The following SHANK2 variants were observed in gnomAD, a reference collection of about 807,000 sequenced individuals.
SHANK2 encodes SH3 and multiple ankyrin repeat domains protein 2.
In SHANK2, 43 loss-of-function variants were observed where a neutral mutation model predicts 133.7. The observed-to-expected ratio is 0.32, with a 90% CI of 0.25 to 0.41. The LOEUF (loss-of-function observed/expected upper bound fraction) is 0.41, where lower values mean the gene tolerates loss of function less well. SHANK2 is among the 10% of genes least tolerant of loss of function. The pLI, the probability that SHANK2 is intolerant of heterozygous loss-of-function variation, is 1.00. For synonymous variants in SHANK2, 1,017 were observed against 952.8 expected (o/e 1.07, Z -1.24); for missense variants, 1,994 against 2,235.8 (o/e 0.89, Z 2.18).
chr11:71,135,492 T>TG (rs1235777852), intron 3 of SHANK2, among the ~76,000 whole-genome samples: 1 of 150,426 alleles, frequency 6.6e-6, no homozygotes, highest in African/African-American at 2.4e-5. Context: ...GTTTTTTTTT[T>TG]TTTTTTTTTT....
At chr11:70,680,154 C>T (rs1373568318) in intron 15 of SHANK2, among the ~76,000 whole-genome samples, 1 of 152,160 alleles carries the variant, frequency 6.6e-6, no homozygotes, top group Admixed American at 6.5e-5. Flanking sequence ...GCACCCCATC[C>T]CAGGGAGTTA....
chr11:70,608,205 T>G (rs561954834), intron 17 of SHANK2, among the ~76,000 whole-genome samples: 11 of 152,328 alleles, frequency 7.2e-5, no homozygotes, highest in African/African-American at 2.4e-4. Flanking sequence ...CAGCCTGAGC[T>G]CAAGCGATCT....
rs575078712 is a variant in SHANK2, at chr11:70,679,438, C to T, written c.1854-17760G>A. ...CCGGACCATCAGGGAGGTGGGAGAT[C>T]TCCCTGCACCCTCGGCCCCCTCTTT... On this transcript the variant is annotated intron_variant, in intron 15 of 25. Transcript: ENST00000601538. 2.6e-5 allele frequency among the ~76,000 whole-genome samples: 4 copies of T among 152,312 alleles called. No homozygotes were observed. The East Asian group carries it at 7.7e-4, about 29-fold the overall frequency.
chr11:71,160,180 C>T (rs1255892183), intron 2 of SHANK2, among the ~76,000 whole-genome samples: 1 of 152,056 alleles, frequency 6.6e-6, no homozygotes, highest in Non-Finnish European at 1.5e-5. Context: ...ATGCCAAGGC[C>T]CACAGTGAAA....
At chr11:70,617,216 G>A (rs928159302) in intron 17 of SHANK2, among the ~76,000 whole-genome samples, 4 of 151,884 alleles carry the variant, frequency 2.6e-5, no homozygotes, top group Non-Finnish European at 5.9e-5. Context: ...GAGTGTCTGA[G>A]TGTGTTGTGT....
intron 17 of SHANK2, among the ~76,000 whole-genome samples, chr11:70,587,711 T>TG (rs1554987174): frequency 1.3e-5 from 2 of 150,500 alleles, no homozygotes; most frequent in South Asian, 4.2e-4. Context: ...TTTTTTTTTT[T>TG]TTTTTTTTTA....
At chr11:70,524,217 G>A (rs1554971685) in intron 17 of SHANK2, among the ~76,000 whole-genome samples, 1 of 152,204 alleles carries the variant, frequency 6.6e-6, no homozygotes, top group Non-Finnish European at 1.5e-5. Context: ...GTAACCAAGA[G>A]CAGTCCCACC....
At chr11:71,145,789 G>A (rs578118853) in intron 3 of SHANK2, among the ~76,000 whole-genome samples, 1 of 107,646 alleles carries the variant, frequency 9.3e-6, no homozygotes, top group South Asian at 3.7e-4. Flanking sequence ...ATCGTGGCTG[G>A]GGCCGGGAGA....
chr11:70,489,159 A>G, intron 24 of SHANK2, 169 bp downstream of exon 24: 1 of 683,646 alleles, frequency 1.5e-6, no homozygotes, highest in Non-Finnish European at 2.7e-6. Flanking sequence ...GTGGGAGGAC[A>G]TTTTGGCATT....
At chr11:70,861,076 C>T (rs765254625) in intron 11 of SHANK2, among the ~76,000 whole-genome samples, 3 of 152,170 alleles carry the variant, frequency 2.0e-5, no homozygotes, top group Non-Finnish European at 2.9e-5. Context: ...TCCGACCTGC[C>T]CCCTCTGCAG....
chr11:70,658,660 G>A (rs1017608886), intron 17 of SHANK2, among the ~76,000 whole-genome samples: 2 of 152,212 alleles, frequency 1.3e-5, no homozygotes, highest in Admixed American at 6.5e-5. Flanking sequence ...CCCCGTAATA[G>A]TCCTGAGGAT....
At chr11:70,832,534 C>T (rs115261804) in intron 11 of SHANK2, among the ~76,000 whole-genome samples, 2 of 152,196 alleles carry the variant, frequency 1.3e-5, no homozygotes, top group Admixed American at 1.3e-4. Flanking sequence ...TGCACACTGG[C>T]AGTGATCCCT....
At chr11:70,908,013 A>T (rs143446457) in intron 10 of SHANK2, 1 of 422,516 alleles carries the variant, frequency 2.4e-6, no homozygotes, top group Admixed American at 2.4e-5. Flanking sequence ...AGGCAGGAGA[A>T]TCGCTTGAAC....
chr11:70,954,125 C>T (rs901872459), intron 10 of SHANK2, among the ~76,000 whole-genome samples: 6 of 152,212 alleles, frequency 3.9e-5, no homozygotes, highest in African/African-American at 9.6e-5. Context: ...TGGGAGAAAA[C>T]GCCATGACCT....
intron 15 of SHANK2, among the ~76,000 whole-genome samples, chr11:70,665,968 C>T (rs1555014768): frequency 1.3e-5 from 2 of 152,162 alleles, no homozygotes; most frequent in African/African-American, 4.8e-5. Context: ...CTGCAGACCA[C>T]CCCAAATGCC....
At chr11:70,507,557 A>C (rs2059151555) in intron 17 of SHANK2, among the ~76,000 whole-genome samples, 1 of 152,038 alleles carries the variant, frequency 6.6e-6, no homozygotes, top group African/African-American at 2.4e-5. Flanking sequence ...CATGAGGAGG[A>C]GGCAGAATGG....
chr11:70,850,069 G>A (rs564391627), intron 11 of SHANK2, among the ~76,000 whole-genome samples: 1 of 152,154 alleles, frequency 6.6e-6, no homozygotes, highest in South Asian at 2.1e-4. Flanking sequence ...ACGACTCTAG[G>A]GACCTCATAT....
rs919271809 is a variant in SHANK2, at chr11:70,487,793, C to T, written c.2573-73G>A. 19 of 1,549,202 alleles carry T rather than the reference C, an allele frequency of 1.2e-5. 1 individual carries two copies. Among genetic ancestry groups the T allele is most frequent in the East Asian group, 9.8e-5 (4 of 40,896 alleles). On this transcript the variant is annotated intron_variant, in intron 24 of 25. Transcript: ENST00000601538. The surrounding 1 kb of genome is among the most constrained non-coding windows in gnomAD (Gnocchi z 5.8). The stretch of plus-strand genomic sequence containing the variant: ...CCTAAGTTCCTAGGAACGTGCGATA[C>T]GCTACATCTCCACAAACTCACAAAT...
chr11:70,582,512 T>A (rs1250822446), intron 17 of SHANK2, among the ~76,000 whole-genome samples: 2 of 152,276 alleles, frequency 1.3e-5, no homozygotes, highest in African/African-American at 4.8e-5. Flanking sequence ...GCAGCAGATA[T>A]AAGCTCAGGT....
Sources: gnomAD v4.1 joint callset for allele counts (sites outside exome capture counted in the v4.1 genomes callset) on GRCh38, gnomAD v4.1.1 for gene constraint, Gnocchi (gnomAD v3.1) non-coding constraint, MANE v1.5 for transcripts, NCBI Gene and HGNC (gene_info 2026-07-23, HGNC 2026-07-21) for gene names.